RAI14: variants seen among roughly 807,000 people sequenced by gnomAD.
RAI14 encodes the protein retinoic acid induced 14, also known as ankycorbin.
A neutral mutation model predicts 115.4 loss-of-function variants in RAI14; 45 were observed. That is an observed-to-expected ratio of 0.39 (90% CI 0.31 to 0.50). The LOEUF (loss-of-function observed/expected upper bound fraction) is 0.50. Among genes scored for constraint, RAI14 ranks in the 20% least tolerant of loss-of-function variants. RAI14 has a pLI of 0.85. For synonymous variants in RAI14, 371 were observed against 415.4 expected, an observed-to-expected ratio of 0.89 and a Z score of 1.30; for missense variants, 939 against 1,131.2, an observed-to-expected ratio of 0.83 and a Z score of 2.44.
chr5:34,812,250 T>C (rs1755689880), intron 10 of RAI14, 42 bp downstream of exon 10: 26 of 1,516,140 alleles, frequency 1.7e-5, no homozygotes, highest in Non-Finnish European at 2.3e-5. Context: ...CATTTATGCT[T>C]GTGGGAATTT....
rs1752808135 is a variant in RAI14, at chr5:34,790,648, T to C, written c.168-5291T>C. On this transcript the variant is annotated intron_variant, in intron 3 of 17. Coordinates refer to ENST00000265109, the MANE Select transcript of RAI14 (RefSeq NM_015577.3). ...TGACTTTCTAGATAGTTATTCTTTC[T>C]TATTTTGCATTTTTTTTCTAAACCT... 2.0e-5 allele frequency among the ~76,000 whole-genome samples: 3 copies of C among 151,952 alleles called. No individual in the cohort carries two copies. The South Asian group carries it at 6.2e-4, about 32-fold the overall frequency.
At chr5:34,697,612 C>T (rs923661194) in intron 2 of RAI14, among the ~76,000 whole-genome samples, 2 of 152,160 alleles carry the variant, frequency 1.3e-5, no homozygotes, top group African/African-American at 4.8e-5. Context: ...ATTTTACCGT[C>T]ATAATCTTGA....
At chr5:34,694,806 T>C (rs1252537398) in intron 2 of RAI14, among the ~76,000 whole-genome samples, 1 of 152,258 alleles carries the variant, frequency 6.6e-6, no homozygotes, top group Admixed American at 6.5e-5. Flanking sequence ...ATGCTGAGAA[T>C]GTTTCTGTAG....
At chr5:34,679,513 G>A (rs562413512) in intron 1 of RAI14, among the ~76,000 whole-genome samples, 1 of 151,322 alleles carries the variant, frequency 6.6e-6, no homozygotes, top group Non-Finnish European at 1.5e-5. Flanking sequence ...GTTGATTTGT[G>A]GGGGGAATCC....
chr5:34,821,186 C>T (rs1756787728), intron 13 of RAI14, among the ~76,000 whole-genome samples: 1 of 152,128 alleles, frequency 6.6e-6, no homozygotes. Flanking sequence ...GCACTTGACC[C>T]AGAGGAATGA....
intron 5 of RAI14, among the ~76,000 whole-genome samples, chr5:34,807,275 A>T (rs1477049116): frequency 6.6e-6 from 1 of 152,036 alleles, no homozygotes; most frequent in Non-Finnish European, 1.5e-5. Context: ...GGGCTCTAGG[A>T]GCTGAGAGGT....
intron 3 of RAI14, among the ~76,000 whole-genome samples, chr5:34,767,338 G>A (rs190937530): frequency 3.3e-5 from 5 of 152,120 alleles, no homozygotes; most frequent in African/African-American, 4.8e-5. Context: ...CCTGGGAAAC[G>A]TAGTTGGCTG....
chr5:34,677,455 C>T (rs1189573647), intron 1 of RAI14, among the ~76,000 whole-genome samples: 1 of 148,168 alleles, frequency 6.7e-6, no homozygotes, highest in African/African-American at 2.5e-5. Flanking sequence ...CTGGCCGTTT[C>T]TTTTTTTTTA....
In RAI14 at chr5:34,812,624, G is replaced by T. The variant is rs376148024; in HGVS notation, c.765+416G>T. Among the ~76,000 whole-genome samples the T allele has an allele frequency of 1.1e-4, 16 of 151,898 alleles. No individual in the cohort carries two copies. In the East Asian group the frequency reaches 2.1e-3, roughly 20 times the overall value. On this transcript the variant is annotated intron_variant, in intron 10 of 17. Coordinates refer to ENST00000265109, the MANE Select transcript of RAI14 (RefSeq NM_015577.3). ...AGGTTGCGGTGAGCTGAGATTGCAC[G>T]ATTGCACTCCATCCTGGGCAACAAG...
rs112571796 is a variant in RAI14 at position 34,826,313 on chromosome 5, T to C, written c.2650-17T>C. On this transcript the variant is annotated splice_polypyrimidine_tract_variant and intron_variant, in intron 15 of 17. Transcript: ENST00000265109. ...GACATGTTACTGTCTGCTAATACCA[T>C]TTTCCTTTGCCCCTAGATAAATGAG... is the stretch of plus-strand genomic sequence containing the variant. 28 of 1,609,820 alleles carry C rather than the reference T, an allele frequency of 1.7e-5. 1 individual carries two copies. Among genetic ancestry groups the C allele is most frequent in the African/African-American group, 1.5e-4 (11 of 74,928 alleles).
rs190916619 is a variant in RAI14, at chr5:34,702,905, C to A, written c.36+15950C>A. 7.8e-4 allele frequency among the ~76,000 whole-genome samples: 119 copies of A among 152,264 alleles called. 1 individual carries two copies. Among genetic ancestry groups the A allele is most frequent in the African/African-American group, 2.7e-3 (114 of 41,548 alleles). On this transcript the variant is annotated intron_variant, in intron 2 of 17. Transcript: ENST00000265109. ...ATTTTCAGTAGAGACGGGGTTTCTC[C>A]ATATTGGTCAGGCTTGTCTCGAACT... is the stretch of plus-strand genomic sequence containing the variant.
intron 1 of RAI14, among the ~76,000 whole-genome samples, chr5:34,675,456 T>G (rs1421229560): frequency 2.0e-5 from 3 of 152,186 alleles, no homozygotes; most frequent in African/African-American, 4.8e-5. Context: ...GGATGTGTCT[T>G]AGAAATAGAA....
intron 2 of RAI14, among the ~76,000 whole-genome samples, chr5:34,751,967 C>T (rs914328509): frequency 2.0e-5 from 3 of 152,156 alleles, no homozygotes; most frequent in Non-Finnish European, 2.9e-5. Context: ...AGGATGCACT[C>T]GTTGAACCTA....
Position 34,665,094 on chromosome 5 carries a change from T to TACAC in RAI14, c.-49+8620_-49+8621insCACA, listed in dbSNP as rs1491250875. ...GTATATATATGTGTATATATATGTG[T>TACAC]ATATATATGTGTATATATATGTGTA... On this transcript the variant is annotated intron_variant, in intron 1 of 17. Coordinates refer to ENST00000265109, the MANE Select transcript of RAI14 (RefSeq NM_015577.3). Among the ~76,000 whole-genome samples the TACAC allele has an allele frequency of 7.2e-3, 187 of 25,862 alleles. 54 individuals carry two copies. Among genetic ancestry groups the TACAC allele is most frequent in the African/African-American group, 0.02 (153 of 7,484 alleles). The allele number at this position is 25,862 out of a possible 152,430, so 17.0% of individuals were successfully genotyped here. A position where few individuals can be genotyped will look rare whatever the true frequency, so the allele number is the denominator to read the frequency against.
chr5:34,721,220 T>C (rs1273889139), intron 2 of RAI14, among the ~76,000 whole-genome samples: 1 of 151,430 alleles, frequency 6.6e-6, no homozygotes, highest in Non-Finnish European at 1.5e-5. Flanking sequence ...GTATCTGGAC[T>C]CTGAATGCCT....
intron 2 of RAI14, among the ~76,000 whole-genome samples, chr5:34,690,566 A>G (rs1039916359): frequency 6.6e-6 from 1 of 152,212 alleles, no homozygotes; most frequent in Non-Finnish European, 1.5e-5. Context: ...GAGAACCATC[A>G]CTTGGGTAAA....
At chr5:34,754,343 A>G (rs989400532) in intron 2 of RAI14, among the ~76,000 whole-genome samples, 1 of 152,040 alleles carries the variant, frequency 6.6e-6, no homozygotes, top group Non-Finnish European at 1.5e-5. Flanking sequence ...TCTAATTGGG[A>G]CCCTACTTGG....
intron 12 of RAI14, 56 bp from the exon 13 acceptor site, chr5:34,818,741 T>G (rs1187588449): frequency 4.1e-6 from 6 of 1,461,008 alleles, no homozygotes; most frequent in Admixed American, 3.5e-5. Context: ...TGCTTGATTC[T>G]TTTGTGTAAT....
At chr5:34,783,202 T>A (rs1751876555) in intron 3 of RAI14, among the ~76,000 whole-genome samples, 1 of 152,270 alleles carries the variant, frequency 6.6e-6, no homozygotes. Context: ...TTACTCATTG[T>A]GACTGGTTGT....
Sources: gnomAD v4.1 joint callset for allele counts (sites outside exome capture counted in the v4.1 genomes callset) on GRCh38, gnomAD v4.1.1 for gene constraint, MANE v1.5 for transcripts, NCBI Gene and HGNC (gene_info 2026-07-23, HGNC 2026-07-21) for gene names.